DCC: variants seen among roughly 807,000 people sequenced by gnomAD.
The protein encoded by DCC is DCC netrin 1 receptor, also known as netrin receptor DCC.
DCC carries 58 observed loss-of-function variants against 172.5 expected under a neutral mutation model. The observed-to-expected ratio is 0.34, with a 90% CI of 0.27 to 0.42. The LOEUF (loss-of-function observed/expected upper bound fraction) is 0.42, where lower values mean the gene tolerates loss of function less well. DCC is among the 10% of genes least tolerant of loss of function. The pLI is 1.00. For synonymous variants in DCC, 709 were observed against 644.5 expected (o/e 1.10, Z -1.52); for missense variants, 1,740 against 1,791.0 (o/e 0.97, Z 0.51).
In DCC at chr18:52,830,212, T is replaced by G. The variant is rs182871581; in HGVS notation, c.413-75832T>G. 1.8e-4 allele frequency among the ~76,000 whole-genome samples: 28 copies of G among 152,332 alleles called. No homozygotes were observed. The East Asian group carries it at 4.8e-3, about 26-fold the overall frequency. ...CCAACTCGCGGCCCCATGGGCCACA[T>G]GCAGCCCATGACCGGTTTGAATGTG... is the stretch of plus-strand genomic sequence containing the variant. On this transcript the variant is annotated intron_variant, in intron 2 of 28. Transcript: ENST00000442544.
intron 7 of DCC, among the ~76,000 whole-genome samples, chr18:53,081,107 A>C (rs1260138987): frequency 6.6e-6 from 1 of 151,990 alleles, no homozygotes; most frequent in African/African-American, 2.4e-5. Context: ...AAAAACTATC[A>C]CTTTTTCCCC....
chr18:53,133,206 G>A (rs1598835117), intron 7 of DCC, among the ~76,000 whole-genome samples: 1 of 152,186 alleles, frequency 6.6e-6, no homozygotes, highest in African/African-American at 2.4e-5. Context: ...AGGCACAGCT[G>A]TTCTCACTGG....
intron 22 of DCC, among the ~76,000 whole-genome samples, chr18:53,437,420 A>C (rs998264708): frequency 4.6e-5 from 7 of 151,748 alleles, no homozygotes; most frequent in Non-Finnish European, 7.4e-5. Flanking sequence ...CTCTACTAAA[A>C]ACACAAAAAA....
At chr18:53,318,746 C>T (rs1213353263) in intron 13 of DCC, among the ~76,000 whole-genome samples, 6 of 101,606 alleles carry the variant, frequency 5.9e-5, no homozygotes, top group Admixed American at 1.5e-4. Flanking sequence ...TGCCCTTCTT[C>T]GTTGGGTTTT....
chr18:52,890,591 A>G (rs2145420487), intron 2 of DCC, among the ~76,000 whole-genome samples: 1 of 152,232 alleles, frequency 6.6e-6, no homozygotes, highest in Non-Finnish European at 1.5e-5. Flanking sequence ...CCTTGAAGAC[A>G]TACCTCACAT....
At chr18:52,756,308 A>G (rs1383885981) in intron 2 of DCC, among the ~76,000 whole-genome samples, 2 of 152,196 alleles carry the variant, frequency 1.3e-5, no homozygotes, top group Admixed American at 6.5e-5. Flanking sequence ...TGTATCTAGC[A>G]AAGTATGTCA....
chr18:53,199,248 G>A (rs575288867), intron 9 of DCC, among the ~76,000 whole-genome samples: 3 of 151,722 alleles, frequency 2.0e-5, no homozygotes, highest in South Asian at 2.1e-4. Flanking sequence ...CCACCACCAC[G>A]CCTGGCTAAT....
intron 1 of DCC, among the ~76,000 whole-genome samples, chr18:52,442,422 A>G (rs541349351): frequency 4.9e-4 from 74 of 152,336 alleles, no homozygotes; most frequent in African/African-American, 1.7e-3. Context: ...AATAATAATT[A>G]TAACAATAAG....
At chr18:52,607,700 C>T (rs1050221186) in intron 1 of DCC, among the ~76,000 whole-genome samples, 3 of 152,046 alleles carry the variant, frequency 2.0e-5, no homozygotes, top group African/African-American at 7.2e-5. Context: ...ACAAAGAGTA[C>T]AAAAATATCC....
At chr18:52,963,158 A>C (rs1484942189) in intron 5 of DCC, among the ~76,000 whole-genome samples, 1 of 151,840 alleles carries the variant, frequency 6.6e-6, no homozygotes, top group African/African-American at 2.4e-5. Flanking sequence ...AAAAATTTGG[A>C]GCCAATTTGA....
chr18:53,212,858 G>C (rs1296637449), intron 11 of DCC, among the ~76,000 whole-genome samples: 1 of 151,982 alleles, frequency 6.6e-6, no homozygotes, highest in African/African-American at 2.4e-5. Context: ...TTTTAATAGA[G>C]ATAGATTTTC....
At chr18:53,513,556 A>G (rs556019141) in intron 27 of DCC, among the ~76,000 whole-genome samples, 3 of 152,352 alleles carry the variant, frequency 2.0e-5, no homozygotes, top group African/African-American at 4.8e-5. Flanking sequence ...AGTGTGCTGT[A>G]TTCAGGAAAC....
At chr18:52,942,958 G>A (rs1284687376) in intron 5 of DCC, among the ~76,000 whole-genome samples, 1 of 152,180 alleles carries the variant, frequency 6.6e-6, no homozygotes, top group Non-Finnish European at 1.5e-5. Context: ...TTACAAAGTT[G>A]TATGAAGATT....
chr18:52,853,414 T>C (rs941246890), intron 2 of DCC, among the ~76,000 whole-genome samples: 2 of 152,236 alleles, frequency 1.3e-5, no homozygotes, highest in African/African-American at 2.4e-5. Context: ...ATACAGCGTA[T>C]TGACCAACTT....
rs140518702 is a variant in DCC at position 52,750,138 on chromosome 18, T to G, written c.92-1916T>G. On this transcript the variant is annotated intron_variant, in intron 1 of 28. Transcript: ENST00000442544. ...GGGTTCATTTGACAGATGCTCTCAA[T>G]TCAATCTTGTTCTAAAAGCCTCCAA... 1.5e-3 allele frequency among the ~76,000 whole-genome samples: 233 copies of G among 152,320 alleles called. No homozygotes were observed. In the East Asian group the frequency reaches 0.021, roughly 14 times the overall value.
At chr18:52,576,457 A>G (rs561585013) in intron 1 of DCC, among the ~76,000 whole-genome samples, 4 of 152,310 alleles carry the variant, frequency 2.6e-5, no homozygotes, top group Admixed American at 2.6e-4. Context: ...AGAAACTGGA[A>G]TGTTGCCAGC....
intron 5 of DCC, among the ~76,000 whole-genome samples, chr18:52,951,828 A>G (rs1262664574): frequency 6.6e-6 from 1 of 152,194 alleles, no homozygotes; most frequent in Admixed American, 6.5e-5. Flanking sequence ...CAAACACATT[A>G]CAATTTGTGT....
At chr18:53,214,892 T>C (rs1053747392) in intron 11 of DCC, among the ~76,000 whole-genome samples, 2 of 152,124 alleles carry the variant, frequency 1.3e-5, no homozygotes, top group Non-Finnish European at 2.9e-5. Context: ...AAAGGAGTAG[T>C]TAAATAAAAA....
rs553528800 is a variant in DCC at position 52,347,202 on chromosome 18, T to C, written c.91+6324T>C. Among the ~76,000 whole-genome samples the C allele has an allele frequency of 1.0e-3, 154 of 152,354 alleles. No individual in the cohort carries two copies. In the South Asian group the frequency reaches 0.013, roughly 13 times the overall value. On this transcript the variant is annotated intron_variant, in intron 1 of 28. Transcript: ENST00000442544. ...TATTCTGGGCCATCTACAATGTTCT[T>C]AAATCTGTGTTTACATTTTGACAAG...
Sources: allele counts gnomAD v4.1 joint callset (sites outside exome capture counted in the v4.1 genomes callset), GRCh38; gene constraint gnomAD v4.1.1; transcripts MANE v1.5; gene names NCBI Gene and HGNC (gene_info 2026-07-23, HGNC 2026-07-21).